Variants in HPSE2 observed in about 807,000 individuals in gnomAD.
HPSE2 encodes the protein inactive heparanase-2.
Under a neutral mutation model 60.5 loss-of-function variants are expected in HPSE2, and 38 were observed. The ratio of observed to expected loss-of-function variants is 0.63; its 90% CI spans 0.48 to 0.82. The LOEUF (loss-of-function observed/expected upper bound fraction) is 0.82, where lower values mean the gene tolerates loss of function less well. Among genes scored for constraint, HPSE2 ranks in the 40% least tolerant of loss-of-function variants. The pLI, the probability that HPSE2 is intolerant of heterozygous loss-of-function variation, is 0.00. For missense variants in HPSE2, 713 were observed against 740.4 expected (o/e 0.96, Z 0.43); for synonymous variants, 295 against 293.2 (o/e 1.01, Z -0.06).
At chr10:98,722,257 A>T (rs1948945890) in intron 4 of HPSE2, among the ~76,000 whole-genome samples, 1 of 149,962 alleles carries the variant, frequency 6.7e-6, no homozygotes, top group African/African-American at 2.5e-5. Flanking sequence ...TTCTGTCTTT[A>T]TAAGAGAAAG....
chr10:98,506,138 A>G (rs1188520528), intron 9 of HPSE2, among the ~76,000 whole-genome samples: 1 of 152,192 alleles, frequency 6.6e-6, no homozygotes. Flanking sequence ...GATGAAAAAA[A>G]CTGAAAAAGA....
intron 2 of HPSE2, among the ~76,000 whole-genome samples, chr10:99,215,678 T>A (rs1430244569): frequency 6.6e-6 from 1 of 152,188 alleles, no homozygotes; most frequent in Non-Finnish European, 1.5e-5. Context: ...ATTCCCATCA[T>A]ATGAAATATC....
At chr10:99,050,327 A>G (rs1302841922) in intron 3 of HPSE2, among the ~76,000 whole-genome samples, 1 of 151,912 alleles carries the variant, frequency 6.6e-6, no homozygotes, top group Non-Finnish European at 1.5e-5. Flanking sequence ...CTAAAACTTG[A>G]AAAGATAACA....
chr10:98,617,189 T>G (rs1945935239), intron 8 of HPSE2, among the ~76,000 whole-genome samples: 1 of 152,206 alleles, frequency 6.6e-6, no homozygotes, highest in African/African-American at 2.4e-5. Context: ...TCTATCTTGG[T>G]GTTTTTATAT....
chr10:98,575,738 T>C (rs1564981466), intron 9 of HPSE2, among the ~76,000 whole-genome samples: 1 of 152,198 alleles, frequency 6.6e-6, no homozygotes, highest in African/African-American at 2.4e-5. Flanking sequence ...GCAATGTTAT[T>C]ATCATGCCAT....
rs1183638050 is a variant in HPSE2, at chr10:98,614,973, G to A, written c.1251C>T (p.Val417=). ...GGTCAAAAAATGAGTGCCGTATCAC[G>A]ACATCAATGCCCTGATTGGCCAGCA... ...LGMLANQGID[V]VIRHSFFDHG... Residue 417 remains valine, a synonymous_variant, in exon 9 of 12, where the codon GTC becomes GTT. Coordinates refer to ENST00000370552, the MANE Select transcript of HPSE2 (RefSeq NM_021828.5). The A allele has an allele frequency of 1.9e-6, 3 of 1,614,006 alleles. No individual in the cohort carries two copies. Among genetic ancestry groups the A allele is most frequent in the East Asian group, 2.2e-5 (1 of 44,872 alleles).
chr10:98,545,818 G>A (rs964439405), intron 9 of HPSE2, among the ~76,000 whole-genome samples: 38 of 148,988 alleles, frequency 2.6e-4, no homozygotes, highest in African/African-American at 9.3e-4. Context: ...TTAGGCAGGA[G>A]AAGGAAATAA....
chr10:99,137,329 T>C (rs561849272), intron 3 of HPSE2, among the ~76,000 whole-genome samples: 57 of 152,334 alleles, frequency 3.7e-4, no homozygotes, highest in African/African-American at 1.3e-3. Flanking sequence ...AAGTAATTTA[T>C]AGATTCAATG....
chr10:99,187,519 C>T (rs2133851610), intron 2 of HPSE2, among the ~76,000 whole-genome samples: 1 of 152,162 alleles, frequency 6.6e-6, no homozygotes, highest in Admixed American at 6.5e-5. Flanking sequence ...GACTGGTATT[C>T]TGAATATATA....
chr10:99,084,881 ACT>A (rs1359021245), intron 3 of HPSE2, among the ~76,000 whole-genome samples: 1 of 152,156 alleles, frequency 6.6e-6, no homozygotes, highest in East Asian at 1.9e-4. Flanking sequence ...AAAGTAACAA[ACT>A]CTGCAGTGAG....
chr10:99,281,204 CTTA>C, the HPSE2 span, among the ~76,000 whole-genome samples: 1 of 148,538 alleles, frequency 6.7e-6, no homozygotes, highest in South Asian at 2.1e-4. Context: ...TATATTACAT[CTTA>C]TTAATTTTAA....
intron 9 of HPSE2, among the ~76,000 whole-genome samples, chr10:98,546,137 C>T (rs1943665347): frequency 7.4e-6 from 1 of 135,608 alleles, no homozygotes; most frequent in African/African-American, 2.5e-5. Context: ...CAAGCCACTG[C>T]TCAATGAAAT....
chr10:99,167,009 G>T (rs2796754), intron 2 of HPSE2, among the ~76,000 whole-genome samples: 12 of 107,632 alleles, frequency 1.1e-4, no homozygotes, highest in East Asian at 2.4e-4. Context: ...CTTTTTGTTT[G>T]TTTGTTTGTT....
At chr10:99,244,382 T>TTTATTATTA in the HPSE2 span, among the ~76,000 whole-genome samples, 8,913 of 133,972 alleles carry the variant, frequency 0.067, 307 homozygotes, top group African/African-American at 0.082. Flanking sequence ...TTTTATTTCT[T>TTTATTATTA]TTATTATTAT....
chr10:99,266,101 A>G, the HPSE2 span, among the ~76,000 whole-genome samples: 1 of 152,228 alleles, frequency 6.6e-6, no homozygotes, highest in African/African-American at 2.4e-5. Context: ...CTTTGTAACA[A>G]TTTCAACCTA....
At chr10:99,313,394 G>C in the HPSE2 span, among the ~76,000 whole-genome samples, 2 of 152,116 alleles carry the variant, frequency 1.3e-5, no homozygotes, top group Non-Finnish European at 2.9e-5. Context: ...AGATGTGAGA[G>C]AAGTGCTGCA....
chr10:98,864,918 T>G (rs1268165936), intron 3 of HPSE2, among the ~76,000 whole-genome samples: 2 of 152,184 alleles, frequency 1.3e-5, no homozygotes, highest in Admixed American at 6.5e-5. Flanking sequence ...TGCAGACCAT[T>G]TCCTTCTTCA....
chr10:98,817,733 TC>T (rs1423796811), intron 3 of HPSE2, among the ~76,000 whole-genome samples: 2 of 152,168 alleles, frequency 1.3e-5, no homozygotes, highest in African/African-American at 4.8e-5. Context: ...CTGTTCAAAT[TC>T]ACCCTTTCAA....
chr10:98,582,667 A>T (rs2133924530), intron 9 of HPSE2, among the ~76,000 whole-genome samples: 1 of 152,290 alleles, frequency 6.6e-6, no homozygotes, highest in Admixed American at 6.5e-5. Context: ...CAGTCAGTTA[A>T]CGTATTCTTT....
Sources: allele counts gnomAD v4.1 joint callset (sites outside exome capture counted in the v4.1 genomes callset), GRCh38; gene constraint gnomAD v4.1.1; transcripts MANE v1.5; gene names NCBI Gene and HGNC (gene_info 2026-07-23, HGNC 2026-07-21).